The following NTNG1 variants were observed in gnomAD, a reference collection of about 807,000 sequenced individuals.
NTNG1 encodes the protein netrin G1.
NTNG1 carries 16 observed loss-of-function variants against 54.0 expected under a neutral mutation model. That is an observed-to-expected ratio of 0.30 (90% CI 0.20 to 0.45). The LOEUF (loss-of-function observed/expected upper bound fraction) is 0.45. Among genes scored for constraint, NTNG1 ranks in the 20% least tolerant of loss-of-function variants. The pLI, the probability that NTNG1 is intolerant of heterozygous loss-of-function variation, is 1.00. For synonymous variants in NTNG1, 255 were observed against 263.1 expected (o/e 0.97, Z 0.30); for missense variants, 530 against 678.7 (o/e 0.78, Z 2.43).
chr1:107,240,990 G>A (rs1282176022), intron 2 of NTNG1, among the ~76,000 whole-genome samples: 1 of 151,838 alleles, frequency 6.6e-6, no homozygotes. Context: ...TTTTTTTGAA[G>A]TACTAATTAC....
At chr1:107,215,328 A>G (rs1447118144) in intron 2 of NTNG1, among the ~76,000 whole-genome samples, 1 of 152,082 alleles carries the variant, frequency 6.6e-6, no homozygotes, top group Non-Finnish European at 1.5e-5. Flanking sequence ...AGAGATGAGG[A>G]TCCAGTTTCA....
chr1:107,161,596 G>A (rs763669661), intron 2 of NTNG1, among the ~76,000 whole-genome samples: 3 of 152,056 alleles, frequency 2.0e-5, no homozygotes, highest in Non-Finnish European at 2.9e-5. Context: ...AAGGGGCAGT[G>A]GTTGCAGTGA....
chr1:107,471,898 G>A (rs1678002019), intron 7 of NTNG1, among the ~76,000 whole-genome samples: 1 of 152,192 alleles, frequency 6.6e-6, no homozygotes, highest in African/African-American at 2.4e-5. Flanking sequence ...GTGGATTGAG[G>A]AAGAAATTGA....
At chr1:107,143,926 C>A (rs567063784) in intron 1 of NTNG1, among the ~76,000 whole-genome samples, 1 of 152,180 alleles carries the variant, frequency 6.6e-6, no homozygotes, top group East Asian at 1.9e-4. Flanking sequence ...AGAGATCTTT[C>A]AATTACCACG....
At chr1:107,217,064 T>G (rs1317697212) in intron 2 of NTNG1, among the ~76,000 whole-genome samples, 1 of 152,224 alleles carries the variant, frequency 6.6e-6, no homozygotes, top group Admixed American at 6.5e-5. Context: ...CAGCAGTAAA[T>G]CTGTCTGGTC....
At chr1:107,397,127 T>G (rs1391742273) in intron 4 of NTNG1, among the ~76,000 whole-genome samples, 1 of 152,200 alleles carries the variant, frequency 6.6e-6, no homozygotes, top group African/African-American at 2.4e-5. Flanking sequence ...GGAATGAAAC[T>G]TCTTTCAGTT....
At chr1:107,301,580 T>C (rs943073522) in intron 2 of NTNG1, among the ~76,000 whole-genome samples, 2 of 152,176 alleles carry the variant, frequency 1.3e-5, no homozygotes, top group Non-Finnish European at 2.9e-5. Flanking sequence ...TGTCATACAT[T>C]ATAAAGCATA....
At chr1:107,262,109 A>G (rs968469843) in intron 2 of NTNG1, among the ~76,000 whole-genome samples, 6 of 152,222 alleles carry the variant, frequency 3.9e-5, no homozygotes, top group African/African-American at 9.6e-5. Flanking sequence ...TTGAAGCTAA[A>G]CGTTACAAAG....
intron 3 of NTNG1, among the ~76,000 whole-genome samples, chr1:107,325,284 T>C (rs1667887829): frequency 6.6e-6 from 1 of 152,122 alleles, no homozygotes; most frequent in Admixed American, 6.6e-5. Flanking sequence ...TACCATTGTT[T>C]ACAAATGCAA....
intron 6 of NTNG1, among the ~76,000 whole-genome samples, chr1:107,433,905 C>A (rs1012028696): frequency 1.3e-5 from 2 of 152,156 alleles, no homozygotes; most frequent in Non-Finnish European, 2.9e-5. Context: ...AACCTATTTG[C>A]TATTTTCCAC....
intron 2 of NTNG1, among the ~76,000 whole-genome samples, chr1:107,196,639 A>G (rs1658355218): frequency 6.6e-6 from 1 of 151,984 alleles, no homozygotes; most frequent in African/African-American, 2.4e-5. Context: ...GTAAATGATG[A>G]CAACATAACA....
At chr1:107,369,911 C>T (rs1286472521) in intron 3 of NTNG1, among the ~76,000 whole-genome samples, 1 of 152,064 alleles carries the variant, frequency 6.6e-6, no homozygotes, top group African/African-American at 2.4e-5. Context: ...TTTTTGTAAG[C>T]GATGAAGGTA....
chr1:107,450,409 C>A (rs1452644466), intron 7 of NTNG1, among the ~76,000 whole-genome samples: 1 of 152,008 alleles, frequency 6.6e-6, no homozygotes, highest in Non-Finnish European at 1.5e-5. Context: ...AATGTTTAAC[C>A]CAGTTTCTGT....
chr1:107,345,559 T>C (rs529122402), intron 3 of NTNG1, among the ~76,000 whole-genome samples: 1 of 152,254 alleles, frequency 6.6e-6, no homozygotes, highest in South Asian at 2.1e-4. Flanking sequence ...TCAGATGGCA[T>C]TTCATATTAT....
intron 4 of NTNG1, among the ~76,000 whole-genome samples, chr1:107,400,139 G>A (rs1672928176): frequency 6.6e-6 from 1 of 152,078 alleles, no homozygotes; most frequent in Admixed American, 6.6e-5. Context: ...AAGTCAATAT[G>A]CTAGATACTA....
chr1:107,407,306 A>G (rs1673491068), intron 4 of NTNG1, among the ~76,000 whole-genome samples: 1 of 152,190 alleles, frequency 6.6e-6, no homozygotes, highest in Non-Finnish European at 1.5e-5. Context: ...CTCTGTACCC[A>G]TAACTTAAGC....
intron 2 of NTNG1, among the ~76,000 whole-genome samples, chr1:107,157,012 A>G (rs960372013): frequency 2.0e-5 from 3 of 152,168 alleles, no homozygotes; most frequent in African/African-American, 7.2e-5. Context: ...GAACACAGTA[A>G]ACACACACTT....
At position 107,148,537 on chromosome 1, in the gene NTNG1, G is replaced by A. The variant is rs1055146873; in HGVS notation, c.-57G>A. On this transcript the variant is annotated 5_prime_UTR_variant, in exon 2 of 8. Transcript: ENST00000370068. Reference sequence around the variant, plus strand: ...TATATATGTAAACTAGACAAAGATCGCAGATCATAAAGCAAGCTCTGCTTT... The same window carrying A: ...TATATATGTAAACTAGACAAAGATCACAGATCATAAAGCAAGCTCTGCTTT... 38 of 1,552,948 alleles carry A rather than the reference G, an allele frequency of 2.4e-5. No homozygotes were observed. The highest frequency in any genetic ancestry group is 5.5e-5 in the African/African-American group (4 of 73,244).
chr1:107,201,691 C>T (rs1057407473), intron 2 of NTNG1, among the ~76,000 whole-genome samples: 6 of 151,890 alleles, frequency 4.0e-5, no homozygotes, highest in Non-Finnish European at 5.9e-5. Context: ...AACTGGTCTT[C>T]CAGGCTGTAA....
Sources: allele counts gnomAD v4.1 joint callset (sites outside exome capture counted in the v4.1 genomes callset), GRCh38; gene constraint gnomAD v4.1.1; transcripts MANE v1.5; gene names NCBI Gene and HGNC (gene_info 2026-07-23, HGNC 2026-07-21).